C2orf66: variants seen among roughly 807,000 people sequenced by gnomAD.
The protein encoded by C2orf66 is uncharacterized protein C2orf66.
In C2orf66, 6 loss-of-function variants were observed where a neutral mutation model predicts 7.0. The observed-to-expected ratio is 0.86, with a 90% CI of 0.47 to 1.69. C2orf66 has a LOEUF of 1.69. C2orf66 is among the 40% of genes most tolerant of loss of function. C2orf66 has a pLI of 0.01. For missense variants in C2orf66, 107 were observed against 112.0 expected (o/e 0.96, Z 0.20); for synonymous variants, 38 against 43.8 (o/e 0.87, Z 0.52).
intron 2 of C2orf66, among the ~76,000 whole-genome samples, chr2:196,805,756 A>T (rs1699813357): frequency 6.6e-6 from 1 of 152,238 alleles, no homozygotes; most frequent in Admixed American, 6.5e-5. Context: ...TGCAATTTAC[A>T]GATGAAGAAG....
At chr2:196,830,937 G>A in the C2orf66 span, among the ~76,000 whole-genome samples, 4 of 152,144 alleles carry the variant, frequency 2.6e-5, no homozygotes, top group African/African-American at 9.7e-5. Context: ...CCAGCAGAGA[G>A]TGTAACCTAT....
In C2orf66 at chr2:196,807,543, T is replaced by C; in HGVS notation, c.203A>G (p.Glu68Gly). The C allele has an allele frequency of 6.2e-7, 1 of 1,613,844 alleles. No individual in the cohort carries two copies. The highest frequency in any genetic ancestry group is 1.3e-5 in the African/African-American group (1 of 75,048). ...GTFPNPFPTN[E>G]NPRPLSFQSE... ...CTGGAAAGAGAGAGGTCTAGGATTT[T>C]CATTCGTGGGGAAAGGATTTGGAAA... is the stretch of plus-strand genomic sequence containing the variant. The change falls in exon 2 of 3, where the codon GAA (glutamate) becomes GGA (glycine). Residue 68 changes from glutamate to glycine, a missense_variant. By Grantham distance (98) the Glu-to-Gly change is moderately conservative. Transcript: ENST00000342506.
the C2orf66 span, among the ~76,000 whole-genome samples, chr2:196,831,008 T>C: frequency 6.6e-6 from 1 of 152,184 alleles, no homozygotes; most frequent in South Asian, 2.1e-4. Context: ...GAGCCAAACT[T>C]AGGCCAAAAG....
the C2orf66 span, among the ~76,000 whole-genome samples, chr2:196,825,153 G>A: frequency 2.7e-5 from 4 of 145,964 alleles, no homozygotes; most frequent in Non-Finnish European, 4.5e-5. Context: ...AGAAGTGCTC[G>A]AACCCAGGAT....
the C2orf66 span, among the ~76,000 whole-genome samples, chr2:196,817,097 A>G: frequency 6.6e-6 from 1 of 152,142 alleles, no homozygotes; most frequent in East Asian, 1.9e-4. Context: ...CAAAGATCAC[A>G]TGCTTCTGAG....
the C2orf66 span, among the ~76,000 whole-genome samples, chr2:196,828,714 A>G: frequency 2.6e-5 from 4 of 152,186 alleles, no homozygotes; most frequent in Admixed American, 6.5e-5. Context: ...AAAGAGATTC[A>G]AATGTGAAAC....
At position 196,809,227 on chromosome 2, in the gene C2orf66, C is replaced by G; in HGVS notation, c.110G>C (p.Arg37Thr). The stretch of plus-strand genomic sequence containing the variant: ...GTGTGTTCTTACCAGATCTCTGTTT[C>G]TGGGGTTGTTGAGTGGCTTCCATTT... Reference protein sequence around the residue: ...EDKWKPLNNPRNRDLFFRRLQ... With the variant: ...EDKWKPLNNPTNRDLFFRRLQ... Residue 37 changes from arginine to threonine, a missense_variant, in exon 1 of 3, where the codon AGA (arginine) becomes ACA (threonine). By Grantham distance (71) the Arg-to-Thr change is moderately conservative. Coordinates refer to ENST00000342506, the MANE Select transcript of C2orf66 (RefSeq NM_213608.3). 6.2e-7 allele frequency: 1 copy of G among 1,613,922 alleles called. No homozygotes were observed. The highest frequency in any genetic ancestry group is 1.1e-5 in the South Asian group (1 of 91,022).
chr2:196,820,044 T>G, the C2orf66 span, among the ~76,000 whole-genome samples: 2 of 152,042 alleles, frequency 1.3e-5, no homozygotes, highest in African/African-American at 2.4e-5. Context: ...TTTGAGGGGG[T>G]GGGGCAGAGC....
At chr2:196,809,851 C>T (rs1470764331), upstream of C2orf66, 1 of 152,338 alleles carries the variant, frequency 6.6e-6, no homozygotes, top group Non-Finnish European at 1.5e-5. Context: ...AGATTGTCTT[C>T]CACTCCAAGG....
At chr2:196,807,368 A>G (rs1699829303) in intron 2 of C2orf66, 56 bp downstream of exon 2, 1 of 998,680 alleles carries the variant, frequency 1.0e-6, no homozygotes, top group African/African-American at 1.6e-5. Context: ...CAAAATATCT[A>G]CTTTATGGCT....
chr2:196,809,398 A>G (rs774620814), upstream of C2orf66: 8 of 1,603,386 alleles, frequency 5.0e-6, no homozygotes, highest in South Asian at 7.8e-5. Context: ...TGAGAGAGAT[A>G]GTCAGGGAAG....
the C2orf66 span, among the ~76,000 whole-genome samples, chr2:196,816,154 T>C: frequency 2.0e-5 from 3 of 152,154 alleles, no homozygotes; most frequent in African/African-American, 7.2e-5. Flanking sequence ...AAGGGAGCCA[T>C]AGTGACTATG....
chr2:196,807,523 AAG>A lies in C2orf66; in HGVS notation c.221_222del (p.Ser74PhefsTer14). The A allele has an allele frequency of 6.2e-7, 1 of 1,613,688 alleles. No homozygotes were observed. On this transcript the variant is annotated frameshift_variant, in exon 2 of 3. Transcript: ENST00000342506. LOFTEE classifies it high-confidence loss of function. ...FPTNENPRPL[S>X]FQSELTASAS... ...GCAGAAGCAGTAAGTTCTGACTGGAAAGAGAGAGGTCTAGGATTTTCATTCGT... is the reference window on the plus strand; with the variant it reads ...GCAGAAGCAGTAAGTTCTGACTGGAAAGAGAGGTCTAGGATTTTCATTCGT...
At chr2:196,817,739 C>G in the C2orf66 span, among the ~76,000 whole-genome samples, 3 of 152,204 alleles carry the variant, frequency 2.0e-5, no homozygotes, top group Admixed American at 2.0e-4. Context: ...AGACCTCCCC[C>G]CAGGAATGCA....
chr2:196,820,284 A>T, the C2orf66 span, among the ~76,000 whole-genome samples: 451 of 152,196 alleles, frequency 3.0e-3, 3 homozygotes, highest in African/African-American at 0.01. Context: ...GGATATGGAA[A>T]CTTCGGGCCC....
chr2:196,826,468 T>G, the C2orf66 span, among the ~76,000 whole-genome samples: 1 of 152,232 alleles, frequency 6.6e-6, no homozygotes, highest in Non-Finnish European at 1.5e-5. Context: ...CTTTATGGTA[T>G]TCTATAGATT....
At chr2:196,831,195 C>T in the C2orf66 span, among the ~76,000 whole-genome samples, 1 of 152,144 alleles carries the variant, frequency 6.6e-6, no homozygotes, top group South Asian at 2.1e-4. Context: ...CCTTTGTCCC[C>T]TAGGCCTAGA....
In C2orf66 at chr2:196,807,480, T is replaced by C; in HGVS notation, c.266A>G (p.Glu89Gly). 1.2e-6 allele frequency: 2 copies of C among 1,610,634 alleles called. No individual in the cohort carries two copies. The highest frequency in any genetic ancestry group is 1.7e-6 in the Non-Finnish European group (2 of 1,179,226). The change falls in exon 2 of 3, where the codon GAG (glutamate) becomes GGG (glycine). Residue 89 changes from glutamate (E) to glycine (G), a missense_variant. Coordinates refer to ENST00000342506, the MANE Select transcript of C2orf66 (RefSeq NM_213608.3). ...ATAATTGTGAAAGGAGTTTTTCTGC[T>C]CTTCATAATCTGCAGATGCAGAAGC... ...LTASASADYE[E>G]QKNSFHNYLK...
At chr2:196,831,214 C>T in the C2orf66 span, among the ~76,000 whole-genome samples, 3 of 152,110 alleles carry the variant, frequency 2.0e-5, no homozygotes, top group Non-Finnish European at 4.4e-5. Context: ...GAATTTCTGT[C>T]TCCCATTTTC....
Sources: allele counts gnomAD v4.1 joint callset (sites outside exome capture counted in the v4.1 genomes callset), GRCh38; gene constraint gnomAD v4.1.1; transcripts MANE v1.5; gene names NCBI Gene and HGNC (gene_info 2026-07-23, HGNC 2026-07-21).